The following DIAPH3 variants were observed in gnomAD, a reference collection of about 807,000 sequenced individuals.
DIAPH3 encodes protein diaphanous homolog 3.
A neutral mutation model predicts 144.3 loss-of-function variants in DIAPH3; 117 were observed. The observed-to-expected ratio is 0.81, with a 90% CI of 0.70 to 0.95. The LOEUF is 0.95. Ranked by LOEUF, DIAPH3 falls within the 40% of genes least tolerant of loss-of-function variation. The pLI is 0.00. For synonymous variants in DIAPH3, 519 were observed against 488.9 expected (o/e 1.06, Z -0.81); for missense variants, 1,421 against 1,412.7 (o/e 1.01, Z -0.09).
intron 1 of DIAPH3, chr13:60,153,395 G>C (rs1290883805): frequency 6.6e-6 from 1 of 152,000 alleles, no homozygotes; most frequent in Non-Finnish European, 1.5e-5. Flanking sequence ...TTTAAAAACA[G>C]GTTTATAACA....
intron 4 of DIAPH3, among the ~76,000 whole-genome samples, chr13:60,056,423 T>C (rs915267053): frequency 1.3e-4 from 19 of 151,830 alleles, no homozygotes; most frequent in African/African-American, 4.6e-4. Flanking sequence ...ATGTATTTCA[T>C]ATACACACAT....
At chr13:59,783,388 G>A (rs976850675) in intron 25 of DIAPH3, among the ~76,000 whole-genome samples, 1 of 152,184 alleles carries the variant, frequency 6.6e-6, no homozygotes, top group African/African-American at 2.4e-5. Context: ...GATCTAGACA[G>A]GAGCTCAATT....
At chr13:59,794,721 C>T (rs1325790472) in intron 25 of DIAPH3, among the ~76,000 whole-genome samples, 2 of 152,032 alleles carry the variant, frequency 1.3e-5, no homozygotes, top group Non-Finnish European at 2.9e-5. Context: ...GTGGCCCAGA[C>T]TGGTCTCAAA....
intron 25 of DIAPH3, among the ~76,000 whole-genome samples, chr13:59,779,395 T>G (rs911005341): frequency 6.6e-6 from 1 of 152,118 alleles, no homozygotes; most frequent in African/African-American, 2.4e-5. Flanking sequence ...TATACAAATA[T>G]AGGGAAAGAA....
intron 27 of DIAPH3, among the ~76,000 whole-genome samples, chr13:59,676,002 G>A (rs1405322716): frequency 6.6e-6 from 1 of 152,154 alleles, no homozygotes; most frequent in African/African-American, 2.4e-5. Context: ...TCATCACATA[G>A]TGTGCTTTTA....
Position 59,826,713 on chromosome 13 carries a change from C to T in DIAPH3, c.3027+6394G>A, listed in dbSNP as rs1315138672. ...GTTCATATGGAACCAAAAAAGAGCC[C>T]GCATCGCCAAGTCAATCCTAAGCCA... On this transcript the variant is annotated intron_variant, in intron 24 of 27. Coordinates refer to ENST00000400324, the MANE Select transcript of DIAPH3 (RefSeq NM_001042517.2). Among the ~76,000 whole-genome samples, 29 of 151,850 alleles carry T rather than the reference C, an allele frequency of 1.9e-4. No homozygotes were observed. In the South Asian group the frequency reaches 2.3e-3, roughly 12 times the overall value.
chr13:59,690,980 G>T (rs2033488080), intron 27 of DIAPH3, among the ~76,000 whole-genome samples: 2 of 152,090 alleles, frequency 1.3e-5, no homozygotes, highest in South Asian at 4.1e-4. Context: ...GACCTCCAGG[G>T]GATTTACTAT....
intron 27 of DIAPH3, among the ~76,000 whole-genome samples, chr13:59,765,080 G>A (rs992872905): frequency 6.6e-6 from 1 of 151,868 alleles, no homozygotes; most frequent in Non-Finnish European, 1.5e-5. Flanking sequence ...TTGACTCCCA[G>A]GGACAAAAGG....
At chr13:60,147,671 G>T (rs988343693) in intron 1 of DIAPH3, among the ~76,000 whole-genome samples, 4 of 152,212 alleles carry the variant, frequency 2.6e-5, no homozygotes. Flanking sequence ...TTGCAATCAT[G>T]CAGGGACCTA....
At chr13:60,093,523 C>T in intron 4 of DIAPH3, 105 bp downstream of exon 4, 1 of 732,430 alleles carries the variant, frequency 1.4e-6, no homozygotes, top group Non-Finnish European at 2.4e-6. Context: ...CAGAAGCCCT[C>T]TGATTACAGT....
At position 59,879,454 on chromosome 13, in the gene DIAPH3, C is replaced by T; in HGVS notation, c.2382G>A (p.Lys794=). ...EQFVVVMSNV[K]RLRPRLSAIL... is the part of the protein sequence containing the mutation. ...TAGCACTGAGCCGTGGCCGTAGTCT[C>T]TTCACATTGCTCATCTGATTGAAAA... The change falls in exon 21 of 28, where the codon AAG becomes AAA. Residue 794 remains lysine, a synonymous_variant. Coordinates refer to ENST00000400324, the MANE Select transcript of DIAPH3 (RefSeq NM_001042517.2). 1 of 1,613,694 alleles carries T rather than the reference C, an allele frequency of 6.2e-7. No homozygotes were observed. The highest frequency in any genetic ancestry group is 8.5e-7 in the Non-Finnish European group (1 of 1,179,744).
At chr13:59,978,237 A>G (rs750229700) in intron 14 of DIAPH3, among the ~76,000 whole-genome samples, 122 of 151,802 alleles carry the variant, frequency 8.0e-4, no homozygotes, top group Non-Finnish European at 1.4e-3. Flanking sequence ...CGAAGTGATG[A>G]GCCAACCTCG....
At chr13:60,036,459 A>C (rs1161358343) in intron 5 of DIAPH3, among the ~76,000 whole-genome samples, 1 of 152,110 alleles carries the variant, frequency 6.6e-6, no homozygotes. Flanking sequence ...CTAAATTTAA[A>C]TAGCCACAGG....
intron 4 of DIAPH3, among the ~76,000 whole-genome samples, chr13:60,065,306 C>T (rs550063486): frequency 7.7e-6 from 1 of 130,552 alleles, no homozygotes; most frequent in South Asian, 2.6e-4. Flanking sequence ...TAAAGCAAGG[C>T]ATAATAAAAC....
intron 5 of DIAPH3, among the ~76,000 whole-genome samples, chr13:60,038,025 G>C (rs1390361439): frequency 1.3e-5 from 2 of 151,990 alleles, no homozygotes; most frequent in Non-Finnish European, 2.9e-5. Context: ...AAACCAAACA[G>C]TAGGTTAATT....
chr13:59,742,610 A>AGGAAAGAGAAAAGAAAAGAAAGAAAG (rs2036516655), intron 27 of DIAPH3, among the ~76,000 whole-genome samples: 1 of 151,964 alleles, frequency 6.6e-6, no homozygotes, highest in Non-Finnish European at 1.5e-5. Flanking sequence ...AAGAAAGAAA[A>AGGAAAGAGAAAAGAAAAGAAAGAAAG]GAAGAAAAGA....
chr13:60,133,278 TATTA>T (rs1311457961), intron 1 of DIAPH3, among the ~76,000 whole-genome samples: 1 of 152,052 alleles, frequency 6.6e-6, no homozygotes, highest in Non-Finnish European at 1.5e-5. Flanking sequence ...CAATTAACAG[TATTA>T]ATTACCATTA....
chr13:60,023,684 T>G (rs1419217728), intron 5 of DIAPH3, among the ~76,000 whole-genome samples: 2 of 152,014 alleles, frequency 1.3e-5, no homozygotes, highest in Non-Finnish European at 2.9e-5. Context: ...CCCAACCGCC[T>G]CAGCCTCCCA....
At chr13:60,004,003 TC>T (rs1235752012) in intron 9 of DIAPH3, among the ~76,000 whole-genome samples, 1 of 152,170 alleles carries the variant, frequency 6.6e-6, no homozygotes, top group Non-Finnish European at 1.5e-5. Context: ...AAACAAATTA[TC>T]ATTATTAGGA....
Sources: allele counts gnomAD v4.1 joint callset (sites outside exome capture counted in the v4.1 genomes callset), GRCh38; gene constraint gnomAD v4.1.1; transcripts MANE v1.5; gene names NCBI Gene and HGNC (gene_info 2026-07-23, HGNC 2026-07-21).